The following PXDNL variants were observed in gnomAD, a reference collection of about 807,000 sequenced individuals.
PXDNL encodes the protein peroxidasin like, also known as probable oxidoreductase PXDNL.
In PXDNL, 145 loss-of-function variants were observed where a neutral mutation model predicts 150.8. The ratio of observed to expected loss-of-function variants is 0.96; its 90% CI spans 0.84 to 1.10. The LOEUF (loss-of-function observed/expected upper bound fraction) is 1.10. Ranked by LOEUF, PXDNL falls within the 50% of genes least tolerant of loss-of-function variation. The pLI is 0.00. For missense variants in PXDNL, 2,087 were observed against 1,873.9 expected, an observed-to-expected ratio of 1.11 and a Z score of -2.10; for synonymous variants, 757 against 725.7, an observed-to-expected ratio of 1.04 and a Z score of -0.69.
At position 51,409,110 on chromosome 8, in the gene PXDNL, G is replaced by C. The variant is rs751227136; in HGVS notation, c.2514C>G (p.Asn838Lys). Residue 838 changes from asparagine (N) to lysine (K), a missense_variant, in exon 17 of 23, where the codon AAC (asparagine) becomes AAG (lysine). Coordinates refer to ENST00000356297, the MANE Select transcript of PXDNL (RefSeq NM_144651.5). ...TGTTCATGGGGAAACAAGGAGGGTC[G>C]TTGGTGCAGACGGAGCTGCACGGCC... is the stretch of plus-strand genomic sequence containing the variant. ...DGRPCSSVCT[N>K]DPPCFPMNTR... is the part of the protein sequence containing the mutation. 2 of 1,608,674 alleles carry C rather than the reference G, an allele frequency of 1.2e-6. No individual in the cohort carries two copies. Among genetic ancestry groups the C allele is most frequent in the Admixed American group, 1.7e-5 (1 of 59,888 alleles).
chr8:51,662,092 T>G (rs1486194191), intron 1 of PXDNL, among the ~76,000 whole-genome samples: 3 of 152,230 alleles, frequency 2.0e-5, no homozygotes, highest in Non-Finnish European at 4.4e-5. Flanking sequence ...CAAGGAGAGC[T>G]GAGACTTGCT....
At chr8:51,411,926 T>A (rs1377707271) in intron 15 of PXDNL, among the ~76,000 whole-genome samples, 1 of 152,184 alleles carries the variant, frequency 6.6e-6, no homozygotes, top group Non-Finnish European at 1.5e-5. Context: ...TCCTGTATCC[T>A]TAAATATGTG....
chr8:51,733,658 A>G (rs907467409), intron 1 of PXDNL, among the ~76,000 whole-genome samples: 1 of 151,834 alleles, frequency 6.6e-6, no homozygotes, highest in South Asian at 2.1e-4. Context: ...AAATACAAAA[A>G]TTAGCTGGGC....
intron 1 of PXDNL, among the ~76,000 whole-genome samples, chr8:51,664,477 T>G (rs753856846): frequency 2.6e-5 from 4 of 152,172 alleles, no homozygotes; most frequent in Non-Finnish European, 5.9e-5. Flanking sequence ...CAAATGCCCG[T>G]GTGCCTGGGA....
chr8:51,524,146 A>G (rs1811718068), intron 4 of PXDNL, among the ~76,000 whole-genome samples: 1 of 4,646 alleles, frequency 2.2e-4, no homozygotes, highest in South Asian at 3.1e-3. Context: ...ATGGAGTCAT[A>G]CCTGATATAT....
At chr8:51,800,596 C>T (rs1488521374) in intron 1 of PXDNL, among the ~76,000 whole-genome samples, 2 of 152,168 alleles carry the variant, frequency 1.3e-5, no homozygotes, top group East Asian at 3.9e-4. Context: ...GAGGGACCAG[C>T]TGGAGCCACG....
In PXDNL at chr8:51,744,071, AAG is replaced by A. The variant is rs1563307133; in HGVS notation, c.164+65108_164+65109del. Among the ~76,000 whole-genome samples the A allele has an allele frequency of 3.8e-3, 276 of 73,480 alleles. 4 individuals are homozygous for A. The highest frequency in any genetic ancestry group is 8.7e-3 in the African/African-American group (140 of 16,096). The allele number at this position is 73,480 out of a possible 152,430, so 48.2% of individuals were successfully genotyped here. ...GAAGGAAGGAAGGAAGGAAGGAAGG[AAG>A]GAAGGAAGGAAGGAAGGAAGGAAAG... On this transcript the variant is annotated intron_variant, in intron 1 of 22. Coordinates refer to ENST00000356297, the MANE Select transcript of PXDNL (RefSeq NM_144651.5).
intron 1 of PXDNL, among the ~76,000 whole-genome samples, chr8:51,758,705 T>G (rs1206029169): frequency 6.6e-6 from 1 of 152,176 alleles, no homozygotes; most frequent in African/African-American, 2.4e-5. Flanking sequence ...GTGCCTTCCC[T>G]TCACCTTCTG....
chr8:51,793,897 C>A (rs1167195093), intron 1 of PXDNL, among the ~76,000 whole-genome samples: 5 of 151,420 alleles, frequency 3.3e-5, no homozygotes, highest in African/African-American at 7.3e-5. Context: ...TCAACAACAA[C>A]AACAACAACA....
At position 51,456,776 on chromosome 8, in the gene PXDNL, G is replaced by A. The variant is rs532574315; in HGVS notation, c.982+722C>T. 1.9e-4 allele frequency among the ~76,000 whole-genome samples: 29 copies of A among 152,278 alleles called. No individual in the cohort carries two copies. In the East Asian group the frequency reaches 4.1e-3, roughly 21 times the overall value. Reference sequence around the variant, plus strand: ...TTTCGGTAACTAGGAATTGGCCATGGTGAGATTATTTATAGAACAGATACT... The same window carrying A: ...TTTCGGTAACTAGGAATTGGCCATGATGAGATTATTTATAGAACAGATACT... On this transcript the variant is annotated intron_variant, in intron 9 of 22. Transcript: ENST00000356297.
chr8:51,763,184 T>C (rs1563313667), intron 1 of PXDNL, among the ~76,000 whole-genome samples: 1 of 152,156 alleles, frequency 6.6e-6, no homozygotes, highest in Non-Finnish European at 1.5e-5. Context: ...ATAAATGATA[T>C]CATAGAATAT....
chr8:51,553,771 T>TATATATAC (rs1236843720), intron 4 of PXDNL, among the ~76,000 whole-genome samples: 6 of 63,822 alleles, frequency 9.4e-5, no homozygotes, highest in South Asian at 4.3e-4. Flanking sequence ...TATATATATA[T>TATATATAC]ACACACACTG....
At chr8:51,331,017 C>A (rs890812505) in intron 21 of PXDNL, among the ~76,000 whole-genome samples, 2 of 152,112 alleles carry the variant, frequency 1.3e-5, no homozygotes, top group Non-Finnish European at 2.9e-5. Flanking sequence ...TGCAGCATTG[C>A]GGAGGCTTGC....
intron 5 of PXDNL, among the ~76,000 whole-genome samples, chr8:51,490,566 G>A (rs1810865441): frequency 2.6e-5 from 4 of 151,032 alleles, no homozygotes; most frequent in Non-Finnish European, 5.9e-5. Context: ...ACATACCAAT[G>A]AATGGACGAA....
At position 51,581,182 on chromosome 8, in the gene PXDNL, T is replaced by G. The variant is rs531136293; in HGVS notation, c.308+11445A>C. Among the ~76,000 whole-genome samples the G allele has an allele frequency of 3.3e-4, 50 of 152,256 alleles. No homozygotes were observed. In the South Asian group the frequency reaches 0.01, roughly 32 times the overall value. ...ATTCTGGTTAGGGTAACAGTATGAC[T>G]GATTCCAATCATCTGTAAGGTTGAC... On this transcript the variant is annotated intron_variant, in intron 3 of 22. Transcript: ENST00000356297.
At chr8:51,573,754 A>G (rs1346298801) in intron 3 of PXDNL, among the ~76,000 whole-genome samples, 1 of 152,056 alleles carries the variant, frequency 6.6e-6, no homozygotes, top group East Asian at 1.9e-4. Flanking sequence ...TCTCCTCTCC[A>G]CCCAAAAATA....
intron 1 of PXDNL, among the ~76,000 whole-genome samples, chr8:51,771,225 C>T (rs1377167222): frequency 2.0e-5 from 3 of 152,092 alleles, no homozygotes; most frequent in African/African-American, 4.8e-5. Context: ...CCACAGAGAA[C>T]GTTAAGGGAA....
chr8:51,694,914 G>A (rs1816084343), intron 1 of PXDNL, among the ~76,000 whole-genome samples: 1 of 152,272 alleles, frequency 6.6e-6, no homozygotes, highest in African/African-American at 2.4e-5. Flanking sequence ...TAATGTTTAA[G>A]CTCTGAGACT....
intron 10 of PXDNL, among the ~76,000 whole-genome samples, chr8:51,449,984 C>T (rs1809765817): frequency 2.6e-5 from 4 of 152,178 alleles, no homozygotes; most frequent in Admixed American, 2.6e-4. Flanking sequence ...GTATAGGCTG[C>T]TGGGCTGAGT....
Sources: allele counts gnomAD v4.1 joint callset (sites outside exome capture counted in the v4.1 genomes callset), GRCh38; gene constraint gnomAD v4.1.1; transcripts MANE v1.5; gene names NCBI Gene and HGNC (gene_info 2026-07-23, HGNC 2026-07-21).